The following SETBP1 variants were observed in gnomAD, a reference collection of about 807,000 sequenced individuals.
The protein encoded by SETBP1 is SET-binding protein.
Under a neutral mutation model 101.0 loss-of-function variants are expected in SETBP1, and 9 were observed. The ratio of observed to expected loss-of-function variants is 0.09; its 90% CI spans 0.05 to 0.16. The LOEUF (loss-of-function observed/expected upper bound fraction) is 0.16, where lower values mean the gene tolerates loss of function less well. SETBP1 is among the 10% of genes least tolerant of loss of function. The pLI, the probability that SETBP1 is intolerant of heterozygous loss-of-function variation, is 1.00. For synonymous variants in SETBP1, 818 were observed against 788.5 expected, an observed-to-expected ratio of 1.04 and a Z score of -0.63; for missense variants, 1,858 against 2,033.8, an observed-to-expected ratio of 0.91 and a Z score of 1.66.
chr18:44,817,271 A>G (rs896868015), intron 2 of SETBP1, among the ~76,000 whole-genome samples: 29 of 152,194 alleles, frequency 1.9e-4, no homozygotes, highest in African/African-American at 6.8e-4. Context: ...AGGCAACCAC[A>G]GCCCAAACTG....
chr18:44,809,830 T>A (rs949615187), intron 2 of SETBP1, among the ~76,000 whole-genome samples: 4 of 152,002 alleles, frequency 2.6e-5, no homozygotes, highest in African/African-American at 9.7e-5. Context: ...CAATAAGAGG[T>A]TAGGAAGATT....
In SETBP1 at chr18:44,919,878, T is replaced by A. The variant is rs552839995; in HGVS notation, c.541-30003T>A. ...TGTATGTCAGATATATCTCTGTCTG[T>A]GTAAACACACACACATATAGATATA... On this transcript the variant is annotated intron_variant, in intron 3 of 5. Coordinates refer to ENST00000649279, the MANE Select transcript of SETBP1 (RefSeq NM_015559.3). Among the ~76,000 whole-genome samples the A allele has an allele frequency of 2.0e-5, 3 of 152,312 alleles. No individual in the cohort carries two copies. The East Asian group carries it at 5.8e-4, about 29-fold the overall frequency.
chr18:44,850,321 G>A (rs2072823173), intron 2 of SETBP1, among the ~76,000 whole-genome samples: 1 of 152,120 alleles, frequency 6.6e-6, no homozygotes. Context: ...ATGCACCCAG[G>A]TCATGTGTAC....
At chr18:44,970,805 C>T (rs2071832330) in intron 4 of SETBP1, among the ~76,000 whole-genome samples, 1 of 152,102 alleles carries the variant, frequency 6.6e-6, no homozygotes, top group South Asian at 2.1e-4. Flanking sequence ...CCTGCCTCGG[C>T]CTCCCAAAGT....
At chr18:44,809,469 TTCA>T (rs1276920390) in intron 2 of SETBP1, among the ~76,000 whole-genome samples, 1 of 152,144 alleles carries the variant, frequency 6.6e-6, no homozygotes, top group African/African-American at 2.4e-5. Context: ...AAAAGGAAAA[TTCA>T]TCTGAAATCC....
In SETBP1 at chr18:44,890,511, T is replaced by G. The variant is rs575308298; in HGVS notation, c.540+21228T>G. Reference sequence around the variant, plus strand: ...TTTTAGAGGTCAAAGATGGAGTATTTGGAGATGTTTGTATAGATCCTATGG... The same window carrying G: ...TTTTAGAGGTCAAAGATGGAGTATTGGGAGATGTTTGTATAGATCCTATGG... On this transcript the variant is annotated intron_variant, in intron 3 of 5. Transcript: ENST00000649279. Among the ~76,000 whole-genome samples, 437 of 152,228 alleles carry G rather than the reference T, an allele frequency of 2.9e-3. 1 individual carries two copies. Among genetic ancestry groups the G allele is most frequent in the Non-Finnish European group, 5.0e-3 (343 of 67,990 alleles).
chr18:44,884,165 C>T (rs764534627), intron 3 of SETBP1, among the ~76,000 whole-genome samples: 5 of 152,144 alleles, frequency 3.3e-5, no homozygotes, highest in South Asian at 2.1e-4. Flanking sequence ...ACAGGATCAG[C>T]GAGAACTGAG....
rs150494246 is a variant in SETBP1 at position 44,901,734 on chromosome 18, T to C, written c.540+32451T>C. Among the ~76,000 whole-genome samples the C allele has an allele frequency of 1.9e-3, 282 of 152,316 alleles. 2 individuals carry two copies. Among genetic ancestry groups the C allele is most frequent in the African/African-American group, 6.6e-3 (275 of 41,578 alleles). The stretch of plus-strand genomic sequence containing the variant: ...ATAAATATGCTGCACATAGAAGCTA[T>C]AGGGAAACACTTGATACTGGGGAGA... On this transcript the variant is annotated intron_variant, in intron 3 of 5. Coordinates refer to ENST00000649279, the MANE Select transcript of SETBP1 (RefSeq NM_015559.3).
intron 2 of SETBP1, among the ~76,000 whole-genome samples, chr18:44,860,024 T>C (rs659583): frequency 0.35 from 53,447 of 152,102 alleles, 9,501 homozygotes; most frequent in South Asian, 0.44. Context: ...TTCTGACTTT[T>C]CCATTCTCTG....
chr18:44,761,512 A>T (rs2070644659), intron 2 of SETBP1, among the ~76,000 whole-genome samples: 1 of 152,232 alleles, frequency 6.6e-6, no homozygotes. Context: ...TACATGATAG[A>T]TCATAGCACA....
intron 2 of SETBP1, among the ~76,000 whole-genome samples, chr18:44,860,553 G>A (rs1249161130): frequency 6.6e-6 from 1 of 152,090 alleles, no homozygotes; most frequent in Non-Finnish European, 1.5e-5. Flanking sequence ...TTCAAGACCA[G>A]CCTGGCCAAT....
At chr18:44,936,849 C>A (rs2070969916) in intron 3 of SETBP1, among the ~76,000 whole-genome samples, 1 of 152,124 alleles carries the variant, frequency 6.6e-6, no homozygotes, top group Non-Finnish European at 1.5e-5. Context: ...CCGAGGGAAG[C>A]TGTACAGGAA....
At chr18:44,891,306 G>A (rs1463223214) in intron 3 of SETBP1, among the ~76,000 whole-genome samples, 2 of 152,040 alleles carry the variant, frequency 1.3e-5, no homozygotes, top group Non-Finnish European at 2.9e-5. Flanking sequence ...TATCAGAGGG[G>A]CACATCAATA....
Position 44,922,181 on chromosome 18 carries a change from G to T in SETBP1, c.541-27700G>T, listed in dbSNP as rs138411230. ...GATTAGGATAGTAAGGAGCGCATGC[G>T]CAGGAAGAGATGGAAAAAATATGAG... On this transcript the variant is annotated intron_variant, in intron 3 of 5. Coordinates refer to ENST00000649279, the MANE Select transcript of SETBP1 (RefSeq NM_015559.3). Among the ~76,000 whole-genome samples, 57 of 152,330 alleles carry T rather than the reference G, an allele frequency of 3.7e-4. 1 individual carries two copies. Among genetic ancestry groups the T allele is most frequent in the East Asian group, 1.2e-3 (6 of 5,186 alleles).
In SETBP1 at chr18:44,840,536, T is replaced by C. The variant is rs555749451; in HGVS notation, c.487-28694T>C. ...TTCTCAAGATTCATCCTTATGGTAA[T>C]GACATTTTACATCTTAAAATACACT... On this transcript the variant is annotated intron_variant, in intron 2 of 5. Transcript: ENST00000649279. 3.2e-4 allele frequency among the ~76,000 whole-genome samples: 49 copies of C among 152,378 alleles called. No individual in the cohort carries two copies. The South Asian group carries it at 9.9e-3, about 31-fold the overall frequency.
chr18:44,844,864 G>A (rs1396752697), intron 2 of SETBP1, among the ~76,000 whole-genome samples: 1 of 152,172 alleles, frequency 6.6e-6, no homozygotes, highest in Non-Finnish European at 1.5e-5. Context: ...AAAGAGGAGG[G>A]CTGAGCTTGG....
intron 2 of SETBP1, among the ~76,000 whole-genome samples, chr18:44,759,534 T>C (rs1293455412): frequency 6.6e-6 from 1 of 152,206 alleles, no homozygotes; most frequent in Non-Finnish European, 1.5e-5. Flanking sequence ...TAAAGTTAGT[T>C]TCACCTTTCA....
intron 3 of SETBP1, among the ~76,000 whole-genome samples, chr18:44,928,665 T>A: frequency 6.6e-6 from 1 of 152,256 alleles, no homozygotes; most frequent in Non-Finnish European, 1.5e-5. Context: ...TTGATTTGCA[T>A]TTCTCTGATG....
At chr18:44,862,816 A>G (rs1396712800) in intron 2 of SETBP1, among the ~76,000 whole-genome samples, 1 of 152,178 alleles carries the variant, frequency 6.6e-6, no homozygotes, top group Non-Finnish European at 1.5e-5. Context: ...GTGTCCCTCC[A>G]TCTTTTCTCC....
Sources: allele counts gnomAD v4.1 joint callset (sites outside exome capture counted in the v4.1 genomes callset), GRCh38; gene constraint gnomAD v4.1.1; transcripts MANE v1.5; gene names NCBI Gene and HGNC (gene_info 2026-07-23, HGNC 2026-07-21).